Variants in CYP7B1 observed in about 807,000 individuals in gnomAD.
The protein encoded by CYP7B1 is cytochrome P450 family 7 subfamily B member 1, also known as cytochrome P450 7B1.
Under a neutral mutation model 42.7 loss-of-function variants are expected in CYP7B1, and 29 were observed. The observed-to-expected ratio is 0.68, with a 90% confidence interval of 0.51 to 0.93. The LOEUF is 0.93. CYP7B1 is among the 40% of genes least tolerant of loss of function. The pLI is 0.00. For missense variants in CYP7B1, 655 were observed against 600.5 expected, an observed-to-expected ratio of 1.09 and a Z score of -0.95; for synonymous variants, 235 against 218.2, an observed-to-expected ratio of 1.08 and a Z score of -0.68.
At chr8:64,754,242 G>C (rs1053039680) in intron 1 of CYP7B1, among the ~76,000 whole-genome samples, 4 of 152,216 alleles carry the variant, frequency 2.6e-5, no homozygotes, top group Non-Finnish European at 5.9e-5. Context: ...TGAAACAGGA[G>C]AGTGGTACGC....
chr8:64,677,706 G>GTT (rs11435388), intron 1 of CYP7B1, among the ~76,000 whole-genome samples: 3,105 of 86,390 alleles, frequency 0.036, 414 homozygotes, highest in African/African-American at 0.092. Flanking sequence ...ACACTCCTTG[G>GTT]TTTTTTTTTT....
chr8:64,654,074 G>C (rs1222933051), intron 1 of CYP7B1, among the ~76,000 whole-genome samples: 1 of 152,112 alleles, frequency 6.6e-6, no homozygotes, highest in Non-Finnish European at 1.5e-5. Flanking sequence ...ATACTGAATA[G>C]GCAAAAGCTG....
chr8:64,629,316 A>C (rs1456303987), intron 1 of CYP7B1, among the ~76,000 whole-genome samples: 3 of 151,556 alleles, frequency 2.0e-5, no homozygotes, highest in African/African-American at 7.3e-5. Context: ...TCCTGTAATC[A>C]TTCTAGGCTA....
intron 1 of CYP7B1, among the ~76,000 whole-genome samples, chr8:64,691,051 C>G (rs1290408287): frequency 6.6e-6 from 1 of 151,962 alleles, no homozygotes; most frequent in African/African-American, 2.4e-5. Context: ...TCCCAGGGCT[C>G]GGGGAGGAGG....
intron 1 of CYP7B1, among the ~76,000 whole-genome samples, chr8:64,680,269 GTCTA>G (rs1806516334): frequency 6.6e-6 from 1 of 151,548 alleles, no homozygotes; most frequent in Admixed American, 6.6e-5. Flanking sequence ...GCTTACTTTA[GTCTA>G]TCTAACCAAT....
intron 1 of CYP7B1, among the ~76,000 whole-genome samples, chr8:64,769,149 C>T (rs1267952628): frequency 6.6e-6 from 1 of 152,148 alleles, no homozygotes; most frequent in Non-Finnish European, 1.5e-5. Context: ...AAATGCATTA[C>T]ACATTGTGAT....
At chr8:64,753,539 A>G (rs1218797438) in intron 1 of CYP7B1, among the ~76,000 whole-genome samples, 1 of 152,216 alleles carries the variant, frequency 6.6e-6, no homozygotes, top group Non-Finnish European at 1.5e-5. Context: ...GGATTGAGGT[A>G]TGCCCATTCA....
At chr8:64,587,763 C>T (rs1168695863), downstream of CYP7B1, 6 of 152,182 alleles carry the variant, frequency 3.9e-5, no homozygotes, top group Non-Finnish European at 7.3e-5. Context: ...CCACTTTTCT[C>T]TACTGTAGGC....
chr8:64,709,652 A>G (rs900466494), intron 1 of CYP7B1, among the ~76,000 whole-genome samples: 1 of 152,232 alleles, frequency 6.6e-6, no homozygotes, highest in Non-Finnish European at 1.5e-5. Context: ...AAAGGAAGTG[A>G]AAGTGAAATA....
chr8:64,776,908 T>C (rs1804335716), intron 1 of CYP7B1, among the ~76,000 whole-genome samples: 3 of 152,238 alleles, frequency 2.0e-5, no homozygotes, highest in African/African-American at 4.8e-5. Flanking sequence ...AATACCTCCT[T>C]GGTTCAATCA....
chr8:64,680,370 C>G (rs1806517899), intron 1 of CYP7B1, among the ~76,000 whole-genome samples: 1 of 152,076 alleles, frequency 6.6e-6, no homozygotes, highest in Non-Finnish European at 1.5e-5. Context: ...AGGTGATGAG[C>G]TCCACCAATC....
rs73688009 is a variant in CYP7B1, at chr8:64,778,412, G to A, written c.122+20054C>T. ...TTCAAAATCCAAAACAAGATTAAAAGTTTGCTATAGACCTGAAAGCAACAA... is the reference window on the plus strand; with the variant it reads ...TTCAAAATCCAAAACAAGATTAAAAATTTGCTATAGACCTGAAAGCAACAA... On this transcript the variant is annotated intron_variant, in intron 1 of 5. Transcript: ENST00000310193. Among the ~76,000 whole-genome samples, 1,123 of 152,014 alleles carry A rather than the reference G, an allele frequency of 7.4e-3. 19 individuals are homozygous for A. The highest frequency in any genetic ancestry group is 0.026 in the African/African-American group (1,081 of 41,502).
intron 1 of CYP7B1, among the ~76,000 whole-genome samples, chr8:64,674,510 T>C (rs867687948): frequency 1.6e-4 from 24 of 152,220 alleles, no homozygotes; most frequent in Middle Eastern, 6.8e-3. Context: ...CATGAATGAG[T>C]AAATAATGAT....
At chr8:64,722,004 T>C (rs1807243759) in intron 1 of CYP7B1, among the ~76,000 whole-genome samples, 1 of 152,236 alleles carries the variant, frequency 6.6e-6, no homozygotes, top group African/African-American at 2.4e-5. Flanking sequence ...AAACAATTTA[T>C]AATTTTAAAA....
chr8:64,795,090 C>A (rs182690622), intron 1 of CYP7B1, among the ~76,000 whole-genome samples: 1 of 152,048 alleles, frequency 6.6e-6, no homozygotes, highest in East Asian at 1.9e-4. Flanking sequence ...ATATTCTATG[C>A]CCCTCAATCT....
In CYP7B1 at chr8:64,691,023, C is replaced by T. The variant is rs147796188; in HGVS notation, c.123-66484G>A. ...TGTTCTATAACGCTCTGGGATGAAACAACTCCCGAGGTAGGCTTCCCAGGG... is the reference window on the plus strand; with the variant it reads ...TGTTCTATAACGCTCTGGGATGAAATAACTCCCGAGGTAGGCTTCCCAGGG... On this transcript the variant is annotated intron_variant, in intron 1 of 5. Coordinates refer to ENST00000310193, the MANE Select transcript of CYP7B1 (RefSeq NM_004820.5). Among the ~76,000 whole-genome samples, 26 of 152,268 alleles carry T rather than the reference C, an allele frequency of 1.7e-4. No individual in the cohort carries two copies. The East Asian group carries it at 4.6e-3, about 27-fold the overall frequency.
intron 1 of CYP7B1, among the ~76,000 whole-genome samples, chr8:64,651,310 T>G (rs1806035159): frequency 6.6e-6 from 1 of 152,218 alleles, no homozygotes; most frequent in African/African-American, 2.4e-5. Flanking sequence ...TCTGCAGCTC[T>G]TTCAATAAAA....
At chr8:64,770,847 T>C (rs752255847) in intron 1 of CYP7B1, among the ~76,000 whole-genome samples, 2 of 152,124 alleles carry the variant, frequency 1.3e-5, no homozygotes, top group Non-Finnish European at 2.9e-5. Flanking sequence ...AATATCCCAG[T>C]AGCATGCAGA....
chr8:64,779,287 T>C (rs1028358207), intron 1 of CYP7B1, among the ~76,000 whole-genome samples: 2 of 152,054 alleles, frequency 1.3e-5, no homozygotes, highest in Non-Finnish European at 2.9e-5. Flanking sequence ...TCAACCTCTA[T>C]AAAATGAGGA....
Sources: gnomAD v4.1 joint callset for allele counts (sites outside exome capture counted in the v4.1 genomes callset) on GRCh38, gnomAD v4.1.1 for gene constraint, MANE v1.5 for transcripts, NCBI Gene and HGNC (gene_info 2026-07-23, HGNC 2026-07-21) for gene names.